Variants in NUDT5 observed in about 807,000 individuals in gnomAD.
NUDT5 encodes the protein nudix hydrolase 5.
In NUDT5, 21 loss-of-function variants were observed where a neutral mutation model predicts 34.1. The ratio of observed to expected loss-of-function variants is 0.62; its 90% CI spans 0.44 to 0.89. NUDT5 has a LOEUF of 0.89. Among genes scored for constraint, NUDT5 ranks in the 40% least tolerant of loss-of-function variants. The pLI is 0.00. For missense variants in NUDT5, 249 were observed against 274.8 expected, an observed-to-expected ratio of 0.91 and a Z score of 0.66; for synonymous variants, 85 against 97.6, an observed-to-expected ratio of 0.87 and a Z score of 0.76.
chr10:12,195,051 T>C (rs1033337829), intron 1 of NUDT5, among the ~76,000 whole-genome samples: 2 of 152,160 alleles, frequency 1.3e-5, no homozygotes, highest in African/African-American at 4.8e-5. Context: ...TCTCAGCTAC[T>C]CGAGAAGCTA....
chr10:12,169,472 T>A lies in NUDT5; in HGVS notation c.550+1245A>T. ...ACCTGTTTGATGTGATAGCTAATTATGGTCCGCGGAGCCTCAAACCGAGTC... is the reference window on the plus strand; with the variant it reads ...ACCTGTTTGATGTGATAGCTAATTAAGGTCCGCGGAGCCTCAAACCGAGTC... On this transcript the variant is annotated intron_variant, in intron 9 of 9. Transcript: ENST00000491614. This position sits in a 1 kb window ranked among gnomAD's most constrained non-coding sequence, Gnocchi z 4.8. 1 of 598,522 alleles carries A rather than the reference T, an allele frequency of 1.7e-6. No individual in the cohort carries two copies. The highest frequency in any genetic ancestry group is 2.9e-6 in the Non-Finnish European group (1 of 347,266). The allele number at this position is 598,522 out of a possible 1,614,324, so 37.1% of individuals were successfully genotyped here.
intron 2 of NUDT5, 101 bp from the exon 3 acceptor site, chr10:12,185,057 C>A: frequency 1.5e-6 from 1 of 657,020 alleles, no homozygotes; most frequent in Admixed American, 2.7e-5. Flanking sequence ...CCCCAGACTC[C>A]CAATAATCAT....
At position 12,181,245 on chromosome 10, in the gene NUDT5, G is replaced by A. The variant is rs1028138835; in HGVS notation, c.132-2113C>T. 9.2e-5 allele frequency among the ~76,000 whole-genome samples: 14 copies of A among 152,184 alleles called. No homozygotes were observed. The highest frequency in any genetic ancestry group is 1.9e-4 in the East Asian group (1 of 5,202). On this transcript the variant is annotated intron_variant, in intron 3 of 9. Transcript: ENST00000491614. This position sits in a 1 kb window ranked among gnomAD's most constrained non-coding sequence, Gnocchi z 5.0. ...TGTGATTACTCTAGAGATGAAGTGCGTGGGAGGATGTGCATAGGTTAGAGG... is the reference window on the plus strand; with the variant it reads ...TGTGATTACTCTAGAGATGAAGTGCATGGGAGGATGTGCATAGGTTAGAGG...
At chr10:12,191,697 G>A (rs890037434) in intron 1 of NUDT5, among the ~76,000 whole-genome samples, 1 of 152,048 alleles carries the variant, frequency 6.6e-6, no homozygotes, top group Admixed American at 6.6e-5. Context: ...GATGACCCTA[G>A]GAAACATAGT....
At position 12,173,735 on chromosome 10, in the gene NUDT5, A is replaced by G. The variant is rs34863826; in HGVS notation, c.368T>C (p.Ile123Thr). 390 of 1,613,788 alleles carry G rather than the reference A, an allele frequency of 2.4e-4. 1 individual carries two copies. In the African/African-American group the frequency reaches 4.8e-3, roughly 20 times the overall value. The change falls in exon 6 of 10, where the codon ATT (isoleucine) becomes ACT (threonine). Residue 123 changes from isoleucine (I) to threonine (T), a missense_variant. Physicochemically the swap from Ile to Thr is moderately conservative, Grantham distance 89. Coordinates refer to ENST00000491614, the MANE Select transcript of NUDT5 (RefSeq NM_014142.4). This position sits in a 1 kb window ranked among gnomAD's most constrained non-coding sequence, Gnocchi z 4.7. ...LEEETGYKGDIAECSPAVCMD... is the reference protein window; with the variant it reads ...LEEETGYKGDTAECSPAVCMD... ...ATACCAACCTGGAGAACATTCGGCA[A>G]TGTCCCCTTTGTAGCCAGTTTCTTC...
Position 12,166,950 on chromosome 10 carries a change from C to T in NUDT5, c.*752G>A, listed in dbSNP as rs1834713735. 4.0e-6 allele frequency: 1 copy of T among 248,860 alleles called. No individual in the cohort carries two copies. The highest frequency in any genetic ancestry group is 8.4e-6 in the Non-Finnish European group (1 of 118,886). The allele number at this position is 248,860 out of a possible 1,614,324, so 15.4% of individuals were successfully genotyped here. ...TGGTTTAACATCAAGATATTACTGC[C>T]CCAAACATGTCAGTCTTACAGATTT... is the stretch of plus-strand genomic sequence containing the variant. On this transcript the variant is annotated 3_prime_UTR_variant, in exon 10 of 10. Coordinates refer to ENST00000491614, the MANE Select transcript of NUDT5 (RefSeq NM_014142.4).
Position 12,177,862 on chromosome 10 carries a change from A to G in NUDT5, c.220T>C (p.Tyr74His), listed in dbSNP as rs1834980845. 6.2e-7 allele frequency: 1 copy of G among 1,614,046 alleles called. No homozygotes were observed. The highest frequency in any genetic ancestry group is 1.3e-5 in the African/African-American group (1 of 74,920). Reference sequence around the variant, plus strand: ...TGTTTCACCAGAACGATACACTCATAGTGAAGTGTTCTCTGCAGCACGGGG... The same window carrying G: ...TGTTTCACCAGAACGATACACTCATGGTGAAGTGTTCTCTGCAGCACGGGG... The part of the protein sequence containing the change: ...VIPVLQRTLH[Y>H]ECIVLVKQFR... Residue 74 changes from tyrosine to histidine, a missense_variant, in exon 5 of 10, where the codon TAT (tyrosine) becomes CAT (histidine). By Grantham distance (83) the Tyr-to-His change is moderately conservative. Coordinates refer to ENST00000491614, the MANE Select transcript of NUDT5 (RefSeq NM_014142.4).
In NUDT5 at chr10:12,169,547, C is replaced by T; in HGVS notation, c.550+1170G>A. 2 of 466,902 alleles carry T rather than the reference C, an allele frequency of 4.3e-6. No homozygotes were observed. The highest frequency in any genetic ancestry group is 3.9e-5 in the Admixed American group (1 of 25,778). The allele number at this position is 466,902 out of a possible 1,614,324, so 28.9% of individuals were successfully genotyped here. A position where few individuals can be genotyped will look rare whatever the true frequency, so the allele number is the denominator to read the frequency against. ...GCCTCGTATTGATTGTCATGCCTTT[C>T]TCCAAATACGCACCAGATAAACTAT... On this transcript the variant is annotated intron_variant, in intron 9 of 9. Coordinates refer to ENST00000491614, the MANE Select transcript of NUDT5 (RefSeq NM_014142.4). This position sits in a 1 kb window ranked among gnomAD's most constrained non-coding sequence, Gnocchi z 4.8.
rs144964578 is a variant in NUDT5, at chr10:12,193,326, G to A, written c.-42+2444C>T. 2.1e-3 allele frequency among the ~76,000 whole-genome samples: 327 copies of A among 152,300 alleles called. 1 individual carries two copies. Among genetic ancestry groups the A allele is most frequent in the Non-Finnish European group, 3.9e-3 (266 of 68,020 alleles). On this transcript the variant is annotated intron_variant, in intron 1 of 9. Coordinates refer to ENST00000491614, the MANE Select transcript of NUDT5 (RefSeq NM_014142.4). ...TTGAGGTGATAGCAGACATCCAGAT[G>A]AAGAAAACCAGCAGACAGGTGAAAA...
At chr10:12,194,523 T>G (rs1835295644) in intron 1 of NUDT5, among the ~76,000 whole-genome samples, 1 of 152,224 alleles carries the variant, frequency 6.6e-6, no homozygotes, top group African/African-American at 2.4e-5. Flanking sequence ...CAACATACTC[T>G]GCAACATTAT....
intron 1 of NUDT5, among the ~76,000 whole-genome samples, chr10:12,193,806 T>C (rs950631760): frequency 6.6e-6 from 1 of 152,170 alleles, no homozygotes; most frequent in Non-Finnish European, 1.5e-5. Context: ...CAAACTTAGC[T>C]GCTTTTCTAC....
Position 12,171,001 on chromosome 10 carries a change from A to AT in NUDT5, c.488-94dup. The AT allele has an allele frequency of 7.5e-7, 1 of 1,340,646 alleles. No individual in the cohort carries two copies. The highest frequency in any genetic ancestry group is 1.0e-6 in the Non-Finnish European group (1 of 959,736). 83.0% of individuals were successfully genotyped at this position (1,340,646 alleles called of 1,614,324 possible). On this transcript the variant is annotated intron_variant, in intron 7 of 9. Coordinates refer to ENST00000491614, the MANE Select transcript of NUDT5 (RefSeq NM_014142.4). This position sits in a 1 kb window ranked among gnomAD's most constrained non-coding sequence, Gnocchi z 4.2. ...AAGAGGCGTCAAAAAGGCTTTGAGA[A>AT]TTTCACAGAAGCCTGGGTTTCTGCT...
chr10:12,180,333 C>T (rs1835023483), intron 3 of NUDT5: 1 of 152,142 alleles, frequency 6.6e-6, no homozygotes, highest in South Asian at 2.1e-4. Context: ...CTGTTAGTAG[C>T]AAGGAGCTGA....
At position 12,181,803 on chromosome 10, in the gene NUDT5, A is replaced by G. The variant is rs1205332232; in HGVS notation, c.132-2671T>C. Among the ~76,000 whole-genome samples, 1 of 151,492 alleles carries G rather than the reference A, an allele frequency of 6.6e-6. No individual in the cohort carries two copies. The highest frequency in any genetic ancestry group is 2.4e-5 in the African/African-American group (1 of 41,164). On this transcript the variant is annotated intron_variant, in intron 3 of 9. Coordinates refer to ENST00000491614, the MANE Select transcript of NUDT5 (RefSeq NM_014142.4). This position sits in a 1 kb window ranked among gnomAD's most constrained non-coding sequence, Gnocchi z 5.0. ...AGACCAGCCTGGGCAACATAGTGAG[A>G]CTCTGTCTCTACTAAAAAAATAAAA...
Position 12,186,305 on chromosome 10 carries a change from T to A in NUDT5, c.-14A>T. ...TTGGCTCTCCATTTTCAAACGAGTC[T>A]TTACAGCCCTCAGGTGAGAAGTTCA... On this transcript the variant is annotated 5_prime_UTR_variant, in exon 2 of 10. In the 5' UTR this introduces an upstream ATG that the reference lacks. Transcript: ENST00000491614. The A allele has an allele frequency of 6.3e-7, 1 of 1,594,276 alleles. No individual in the cohort carries two copies. Among genetic ancestry groups the A allele is most frequent in the Non-Finnish European group, 8.6e-7 (1 of 1,161,710 alleles).
rs978836376 is a variant in NUDT5 at position 12,191,126 on chromosome 10, A to G, written c.-42+4644T>C. 3.4e-4 allele frequency among the ~76,000 whole-genome samples: 52 copies of G among 152,180 alleles called. 1 individual carries two copies. Among genetic ancestry groups the G allele is most frequent in the Non-Finnish European group, 6.8e-4 (46 of 68,006 alleles). On this transcript the variant is annotated intron_variant, in intron 1 of 9. Transcript: ENST00000491614. The stretch of plus-strand genomic sequence containing the variant: ...AGGCCGGGCACAGTGGCTCATGCCT[A>G]TAATCCCAGCACTTGGGGAGGCCGA...
In NUDT5 at chr10:12,171,687, TTTTATTTATTTATTTATTTA is replaced by T. The variant is rs200279977; in HGVS notation, c.488-799_488-780del. ...TGTGCAGTTCAAAAATTAAGATTTA[TTTTATTTATTTATTTATTTA>T]TTTATTTATTTATTTATTTATTTAT... On this transcript the variant is annotated intron_variant, in intron 7 of 9. Coordinates refer to ENST00000491614, the MANE Select transcript of NUDT5 (RefSeq NM_014142.4). The surrounding 1 kb of genome is among the most constrained non-coding windows in gnomAD (Gnocchi z 4.2). Among the ~76,000 whole-genome samples, 89 of 140,036 alleles carry T rather than the reference TTTTATTTATTTATTTATTTA, an allele frequency of 6.4e-4. No homozygotes were observed. Among genetic ancestry groups the T allele is most frequent in the African/African-American group, 1.9e-3 (71 of 38,080 alleles). 91.9% of individuals were successfully genotyped at this position (140,036 alleles called of 152,430 possible).
Position 12,182,432 on chromosome 10 carries a change from A to G in NUDT5, c.131+2457T>C, listed in dbSNP as rs1790681437. On this transcript the variant is annotated intron_variant, in intron 3 of 9. Transcript: ENST00000491614. This position sits in a 1 kb window ranked among gnomAD's most constrained non-coding sequence, Gnocchi z 4.3. ...ACATCGTGGCATACAGGAAAGTACA[A>G]AGACTCATTCTTCAAAGGGTGACAT... 6.6e-6 allele frequency among the ~76,000 whole-genome samples: 1 copy of G among 152,216 alleles called. No individual in the cohort carries two copies. The highest frequency in any genetic ancestry group is 1.5e-5 in the Non-Finnish European group (1 of 68,034).
chr10:12,178,980 C>G, intron 4 of NUDT5, 103 bp downstream of exon 4: 1 of 966,654 alleles, frequency 1.0e-6, no homozygotes, highest in Non-Finnish European at 1.7e-6. Context: ...GATTTAAAGA[C>G]ACAACATCCT....
Sources: allele counts gnomAD v4.1 joint callset (sites outside exome capture counted in the v4.1 genomes callset), GRCh38; gene constraint gnomAD v4.1.1; non-coding constraint Gnocchi (gnomAD v3.1); transcripts MANE v1.5; gene names NCBI Gene and HGNC (gene_info 2026-07-23, HGNC 2026-07-21).